The following RPRD1B variants were observed in gnomAD, a reference collection of about 807,000 sequenced individuals.
The protein encoded by RPRD1B is regulation of nuclear pre-mRNA domain-containing protein 1B.
In RPRD1B, 11 loss-of-function variants were observed where a neutral mutation model predicts 41.5. That is an observed-to-expected ratio of 0.27 (90% CI 0.17 to 0.44). The LOEUF is 0.44. RPRD1B is among the 20% of genes least tolerant of loss of function. RPRD1B has a pLI of 1.00. For missense variants in RPRD1B, 248 were observed against 389.9 expected (o/e 0.64, Z 3.06); for synonymous variants, 158 against 155.6 (o/e 1.02, Z -0.12).
In RPRD1B at chr20:38,069,329, A is replaced by G. The variant is rs184555142; in HGVS notation, c.831+3073A>G. Among the ~76,000 whole-genome samples, 97 of 152,254 alleles carry G rather than the reference A, an allele frequency of 6.4e-4. 1 individual carries two copies. Among genetic ancestry groups the G allele is most frequent in the African/African-American group, 2.1e-3 (87 of 41,538 alleles). On this transcript the variant is annotated intron_variant, in intron 6 of 6. Transcript: ENST00000373433. ...AAAACACAGGTGAACATAAAACCAA[A>G]CCACTTGATCGTACATAATGTAGAT... is the stretch of plus-strand genomic sequence containing the variant.
At chr20:38,064,051 G>A (rs981985664) in intron 5 of RPRD1B, among the ~76,000 whole-genome samples, 3 of 152,060 alleles carry the variant, frequency 2.0e-5, no homozygotes, top group Non-Finnish European at 4.4e-5. Flanking sequence ...TTTTAAAAAC[G>A]ATCAGTCAAG....
At position 38,033,903 on chromosome 20, in the gene RPRD1B, C is replaced by A; in HGVS notation, c.-45C>A. On this transcript the variant is annotated 5_prime_UTR_variant, in exon 1 of 7. It adds an upstream start codon to the 5' untranslated region. Coordinates refer to ENST00000373433, the MANE Select transcript of RPRD1B (RefSeq NM_021215.4). ...TCGTGCCGTCGCTCTTCCCGCCGCA[C>A]TGGGCGGCCCAGGCCGCTCCCTGCC... 1 of 1,536,298 alleles carries A rather than the reference C, an allele frequency of 6.5e-7. No individual in the cohort carries two copies. Among genetic ancestry groups the A allele is most frequent in the South Asian group, 1.2e-5 (1 of 80,584 alleles).
chr20:38,051,123 A>G (rs2074180617), intron 3 of RPRD1B, among the ~76,000 whole-genome samples: 1 of 152,232 alleles, frequency 6.6e-6, no homozygotes, highest in South Asian at 2.1e-4. Flanking sequence ...GAGCTTAGGA[A>G]TTCTGTTTTA....
chr20:38,077,183 G>A lies in RPRD1B; in HGVS notation c.831+10927G>A, dbSNP rs137890763. On this transcript the variant is annotated intron_variant, in intron 6 of 6. Coordinates refer to ENST00000373433, the MANE Select transcript of RPRD1B (RefSeq NM_021215.4). ...TCCACCCGCCTCAGCCTCCCAAAGCGCTGGGATTACAGACATGAGCCACTG... is the reference window on the plus strand; with the variant it reads ...TCCACCCGCCTCAGCCTCCCAAAGCACTGGGATTACAGACATGAGCCACTG... Among the ~76,000 whole-genome samples, 96 of 152,076 alleles carry A rather than the reference G, an allele frequency of 6.3e-4. 1 individual carries two copies. Among genetic ancestry groups the A allele is most frequent in the South Asian group, 2.1e-4 (1 of 4,818 alleles).
At chr20:38,074,901 T>A (rs2074444568) in intron 6 of RPRD1B, among the ~76,000 whole-genome samples, 1 of 152,390 alleles carries the variant, frequency 6.6e-6, no homozygotes, top group East Asian at 1.9e-4. Flanking sequence ...AAAATTAAAC[T>A]GAATGATAAC....
At chr20:38,041,880 G>GT (rs1281745020) in intron 2 of RPRD1B, among the ~76,000 whole-genome samples, 2 of 152,156 alleles carry the variant, frequency 1.3e-5, no homozygotes, top group Non-Finnish European at 2.9e-5. Flanking sequence ...TGGATCATTT[G>GT]TTTTTTCCTA....
chr20:38,034,259 C>CT (rs1412175165), intron 1 of RPRD1B, among the ~76,000 whole-genome samples, 161 bp downstream of exon 1: 3 of 152,234 alleles, frequency 2.0e-5, no homozygotes, highest in Non-Finnish European at 4.4e-5. Context: ...AAGAAGGAAA[C>CT]TGAGGCCCGG....
intron 1 of RPRD1B, 93 bp from the exon 2 acceptor site, chr20:38,040,342 T>G: frequency 9.6e-7 from 1 of 1,046,442 alleles, no homozygotes; most frequent in East Asian, 2.7e-5. Flanking sequence ...AATACTTGTC[T>G]TAATGTTTTT....
chr20:38,083,563 C>T (rs11905290), intron 6 of RPRD1B, among the ~76,000 whole-genome samples: 289 of 152,160 alleles, frequency 1.9e-3, no homozygotes, highest in African/African-American at 6.4e-3. Context: ...GTAGAGGAGC[C>T]TCTGGGGAGA....
chr20:38,069,330 C>T lies in RPRD1B; in HGVS notation c.831+3074C>T, dbSNP rs142437012. Among the ~76,000 whole-genome samples, 700 of 152,238 alleles carry T rather than the reference C, an allele frequency of 4.6e-3. 4 individuals carry two copies. The highest frequency in any genetic ancestry group is 0.016 in the African/African-American group (644 of 41,528). On this transcript the variant is annotated intron_variant, in intron 6 of 6. Coordinates refer to ENST00000373433, the MANE Select transcript of RPRD1B (RefSeq NM_021215.4). ...AAACACAGGTGAACATAAAACCAAACCACTTGATCGTACATAATGTAGATT... is the reference window on the plus strand; with the variant it reads ...AAACACAGGTGAACATAAAACCAAATCACTTGATCGTACATAATGTAGATT...
intron 5 of RPRD1B, among the ~76,000 whole-genome samples, chr20:38,063,556 G>A (rs1022309776): frequency 6.6e-6 from 1 of 152,224 alleles, no homozygotes; most frequent in Non-Finnish European, 1.5e-5. Flanking sequence ...TAGCTGCAAG[G>A]GGGAGCAGGG....
intron 2 of RPRD1B, among the ~76,000 whole-genome samples, chr20:38,047,236 A>T (rs1389123083): frequency 6.6e-6 from 1 of 152,198 alleles, no homozygotes; most frequent in African/African-American, 2.4e-5. Context: ...TTAACAAAAA[A>T]AGAATTAATT....
intron 6 of RPRD1B, among the ~76,000 whole-genome samples, chr20:38,078,136 T>TG (rs1188211531): frequency 6.6e-6 from 1 of 151,252 alleles, no homozygotes; most frequent in African/African-American, 2.4e-5. Flanking sequence ...CCACTGCACT[T>TG]CAGCCTGGGC....
At chr20:38,049,367 C>CTTTTTTTTTTTTTTTT (rs11481142) in intron 3 of RPRD1B, among the ~76,000 whole-genome samples, 3 of 93,418 alleles carry the variant, frequency 3.2e-5, no homozygotes, top group African/African-American at 4.4e-5. Context: ...TTCTTTTTTT[C>CTTTTTTTTTTTTTTTT]TTTTTTTTTT....
intron 5 of RPRD1B, among the ~76,000 whole-genome samples, chr20:38,065,467 C>T (rs1361003795): frequency 1.3e-5 from 2 of 152,150 alleles, no homozygotes; most frequent in East Asian, 1.9e-4. Context: ...GCTCAAGGCC[C>T]TTAAATGGTG....
At chr20:38,062,434 C>T (rs2074307539) in intron 5 of RPRD1B, among the ~76,000 whole-genome samples, 1 of 152,192 alleles carries the variant, frequency 6.6e-6, no homozygotes, top group Non-Finnish European at 1.5e-5. Flanking sequence ...CAACCTCCTA[C>T]TCAGTTTTAT....
At chr20:38,067,216 C>T (rs914685655) in intron 6 of RPRD1B, among the ~76,000 whole-genome samples, 9 of 152,172 alleles carry the variant, frequency 5.9e-5, no homozygotes, top group Admixed American at 2.0e-4. Context: ...TACTTGCTCC[C>T]GTGGGATAAC....
At chr20:38,078,166 CAA>C (rs1166192655) in intron 6 of RPRD1B, among the ~76,000 whole-genome samples, 46 of 109,804 alleles carry the variant, frequency 4.2e-4, no homozygotes, top group Admixed American at 4.8e-4. Context: ...CAGGCTGTCT[CAA>C]AAAAAAAAAA....
intron 5 of RPRD1B, among the ~76,000 whole-genome samples, chr20:38,063,685 G>A (rs775881171): frequency 2.6e-5 from 4 of 152,126 alleles, no homozygotes; most frequent in African/African-American, 9.7e-5. Flanking sequence ...GACATGGGAC[G>A]GCTGCAGAAG....
Sources: allele counts gnomAD v4.1 joint callset (sites outside exome capture counted in the v4.1 genomes callset), GRCh38; gene constraint gnomAD v4.1.1; transcripts MANE v1.5; gene names NCBI Gene and HGNC (gene_info 2026-07-23, HGNC 2026-07-21).